The following DENND4A variants were observed in gnomAD, a reference collection of about 807,000 sequenced individuals.
DENND4A encodes the protein DENN domain containing 4A.
DENND4A carries 70 observed loss-of-function variants against 199.3 expected under a neutral mutation model. The ratio of observed to expected loss-of-function variants is 0.35; its 90% confidence interval spans 0.29 to 0.43. The LOEUF (loss-of-function observed/expected upper bound fraction) is 0.43, where lower values mean the gene tolerates loss of function less well. DENND4A is among the 20% of genes least tolerant of loss of function. The pLI is 1.00. For missense variants in DENND4A, 1,723 were observed against 2,255.8 expected, an observed-to-expected ratio of 0.76 and a Z score of 4.78; for synonymous variants, 686 against 766.9, an observed-to-expected ratio of 0.89 and a Z score of 1.74.
At chr15:65,678,237 T>C (rs1163542074) in intron 23 of DENND4A, among the ~76,000 whole-genome samples, 2 of 152,194 alleles carry the variant, frequency 1.3e-5, no homozygotes, top group African/African-American at 2.4e-5. Context: ...CTCATACTTT[T>C]CTTTTTCAAA....
At chr15:65,736,218 GAAAGTTCCACCCA>G (rs1181695611) in intron 7 of DENND4A, among the ~76,000 whole-genome samples, 1 of 152,048 alleles carries the variant, frequency 6.6e-6, no homozygotes, top group Non-Finnish European at 1.5e-5. Context: ...ATGCATAAGT[GAAAGTTCCACCCA>G]AAAAGTCAAA....
intron 1 of DENND4A, among the ~76,000 whole-genome samples, chr15:65,786,694 G>T (rs1375544868): frequency 3.3e-5 from 5 of 152,152 alleles, no homozygotes; most frequent in African/African-American, 4.8e-5. Context: ...GGCATGTAAA[G>T]AATTAAATAA....
chr15:65,670,070 C>T lies in DENND4A; in HGVS notation c.4583G>A (p.Gly1528Asp), dbSNP rs965338340. 3.4e-5 allele frequency: 54 copies of T among 1,603,794 alleles called. No individual in the cohort carries two copies. The highest frequency in any genetic ancestry group is 4.4e-5 in the Non-Finnish European group (52 of 1,174,686). The part of the protein sequence containing the change: ...SNLNTTCPFC[G>D]NIFLPFLNIE... Reference sequence around the variant, plus strand: ...ATTCAGAAAGGGTAAGAAGATATTGCCACAGAATGGGCATGTAGTATTGAG... The same window carrying T: ...ATTCAGAAAGGGTAAGAAGATATTGTCACAGAATGGGCATGTAGTATTGAG... Residue 1528 changes from glycine to aspartate, a missense_variant, in exon 26 of 33, where the codon GGC becomes GAC. This residue lies in a region of DENND4A where 141 missense variants were observed against 170.7 expected (regional missense o/e 0.83). Coordinates refer to ENST00000443035, the MANE Select transcript of DENND4A (RefSeq NM_001320835.1).
At chr15:65,764,666 A>C (rs940495841) in intron 1 of DENND4A, among the ~76,000 whole-genome samples, 3 of 151,808 alleles carry the variant, frequency 2.0e-5, no homozygotes, top group Non-Finnish European at 4.4e-5. Flanking sequence ...TTAATTTTTA[A>C]AAGAAATTAA....
Position 65,722,839 on chromosome 15 carries a change from T to C in DENND4A, c.1588+9A>G, listed in dbSNP as rs1209765778. On this transcript the variant is annotated intron_variant, in intron 12 of 32. Coordinates refer to ENST00000443035, the MANE Select transcript of DENND4A (RefSeq NM_001320835.1). ...TAAATTACCTCCTTTAATTAAGTTA[T>C]CCACTTACATTTTGCCAATTGCTGA... 1.3e-6 allele frequency: 2 copies of C among 1,579,464 alleles called. No individual in the cohort carries two copies. The highest frequency in any genetic ancestry group is 1.8e-5 in the Admixed American group (1 of 55,086).
intron 3 of DENND4A, among the ~76,000 whole-genome samples, chr15:65,752,907 T>C (rs1396615370): frequency 1.3e-5 from 2 of 152,232 alleles, no homozygotes; most frequent in Non-Finnish European, 2.9e-5. Flanking sequence ...TGGCACATCA[T>C]TTAATATAGT....
intron 25 of DENND4A, among the ~76,000 whole-genome samples, chr15:65,671,122 G>A (rs1406915981): frequency 6.6e-6 from 1 of 152,114 alleles, no homozygotes; most frequent in Non-Finnish European, 1.5e-5. Flanking sequence ...CACCAAAAAA[G>A]TATGCTTGCA....
chr15:65,728,102 G>A lies in DENND4A; in HGVS notation c.1487+970C>T, dbSNP rs140128710. On this transcript the variant is annotated intron_variant, in intron 11 of 32. Transcript: ENST00000443035. ...CGGCTCACTGCAGCCTCCGCCTCCC[G>A]GGTTCAAGCGATTCTCCTGCCTCAG... Among the ~76,000 whole-genome samples the A allele has an allele frequency of 3.5e-3, 530 of 151,872 alleles. 3 individuals carry two copies. Among genetic ancestry groups the A allele is most frequent in the African/African-American group, 0.012 (511 of 41,408 alleles).
At chr15:65,729,458 T>A in intron 10 of DENND4A, 76 bp downstream of exon 10, 4 of 1,506,264 alleles carry the variant, frequency 2.7e-6, no homozygotes, top group Non-Finnish European at 3.6e-6. Context: ...TTAAGTTATA[T>A]TAAAATGGCT....
chr15:65,777,475 C>T (rs2077313364), intron 1 of DENND4A, among the ~76,000 whole-genome samples: 1 of 151,924 alleles, frequency 6.6e-6, no homozygotes, highest in Non-Finnish European at 1.5e-5. Context: ...GCCTCAGCCT[C>T]CCAAGTAGCT....
intron 2 of DENND4A, among the ~76,000 whole-genome samples, chr15:65,758,881 G>A (rs1243025010): frequency 6.6e-6 from 1 of 152,018 alleles, no homozygotes; most frequent in African/African-American, 2.4e-5. Flanking sequence ...CTTAACTCAG[G>A]ATTTCCCAAG....
intron 13 of DENND4A, among the ~76,000 whole-genome samples, chr15:65,716,364 T>C (rs956478352): frequency 6.6e-6 from 1 of 150,630 alleles, no homozygotes; most frequent in African/African-American, 2.4e-5. Flanking sequence ...CATTTAACAT[T>C]AGGTATATCT....
At chr15:65,683,821 C>T (rs577615091) in intron 23 of DENND4A, among the ~76,000 whole-genome samples, 1 of 152,264 alleles carries the variant, frequency 6.6e-6, no homozygotes, top group South Asian at 2.1e-4. Context: ...ACTTTTAGAA[C>T]GTTTCTAATT....
At position 65,691,000 on chromosome 15, in the gene DENND4A, T is replaced by A; in HGVS notation, c.3594A>T (p.Ser1198=). ...CATCAGTTTTTTCAAAAGGTTTTACTGAAAAGCTGCTGTTCATACGTTGAA... is the reference window on the plus strand; with the variant it reads ...CATCAGTTTTTTCAAAAGGTTTTACAGAAAAGCTGCTGTTCATACGTTGAA... ...KRIQRMNSSF[S]VKPFEKTDVA... The change falls in exon 23 of 33, where the codon TCA becomes TCT. Residue 1198 remains serine, a synonymous_variant. Coordinates refer to ENST00000443035, the MANE Select transcript of DENND4A (RefSeq NM_001320835.1). 1 of 1,609,234 alleles carries A rather than the reference T, an allele frequency of 6.2e-7. No homozygotes were observed. Among genetic ancestry groups the A allele is most frequent in the Non-Finnish European group, 8.5e-7 (1 of 1,177,424 alleles).
chr15:65,670,327 A>G (rs1353889577), intron 25 of DENND4A, 139 bp from the exon 26 acceptor site: 1 of 674,238 alleles, frequency 1.5e-6, no homozygotes. Context: ...GGATTACATC[A>G]GTGTATTATA....
chr15:65,780,220 A>C (rs1221911525), intron 1 of DENND4A, among the ~76,000 whole-genome samples: 1 of 152,170 alleles, frequency 6.6e-6, no homozygotes, highest in Non-Finnish European at 1.5e-5. Flanking sequence ...GCTCTTGTTC[A>C]ACCTTTCTCT....
chr15:65,673,184 T>C (rs2076270505), intron 24 of DENND4A, among the ~76,000 whole-genome samples: 1 of 149,026 alleles, frequency 6.7e-6, no homozygotes, highest in African/African-American at 2.5e-5. Flanking sequence ...TTTATAAAGA[T>C]AAAGATCAAA....
chr15:65,772,535 T>C (rs533590344), intron 1 of DENND4A, among the ~76,000 whole-genome samples: 1 of 151,656 alleles, frequency 6.6e-6, no homozygotes, highest in South Asian at 2.1e-4. Flanking sequence ...GGTGAAACCC[T>C]GTCTCTACTA....
chr15:65,690,650 C>A lies in DENND4A; in HGVS notation c.3944G>T (p.Ser1315Ile). The change falls in exon 23 of 33, where the codon AGT (serine) becomes ATT (isoleucine). Residue 1315 changes from serine (S) to isoleucine (I), a missense_variant. Around this residue, in one of 6 missense-constraint regions of DENND4A, gnomAD observed 650 missense variants for 738.1 expected, o/e 0.88. Coordinates refer to ENST00000443035, the MANE Select transcript of DENND4A (RefSeq NM_001320835.1). ...AAGTCTATCCCTTGGTTTCTCCTCA[C>A]TTTTTGTGTAACTTTTAGATTTGGT... is the stretch of plus-strand genomic sequence containing the variant. ...RLTKSKSYTK[S>I]EEKPRDRLWS... 6.2e-7 allele frequency: 1 copy of A among 1,613,706 alleles called. No individual in the cohort carries two copies. Among genetic ancestry groups the A allele is most frequent in the Non-Finnish European group, 8.5e-7 (1 of 1,179,774 alleles).
Sources: gnomAD v4.1 joint callset for allele counts (sites outside exome capture counted in the v4.1 genomes callset) on GRCh38, gnomAD v4.1.1 for gene constraint, gnomAD v4.1.1 regional missense constraint, MANE v1.5 for transcripts, NCBI Gene and HGNC (gene_info 2026-07-23, HGNC 2026-07-21) for gene names.